Variants in VCAN observed in about 807,000 individuals in gnomAD.
VCAN encodes the protein versican core protein.
In VCAN, 44 loss-of-function variants were observed where a neutral mutation model predicts 245.5. The ratio of observed to expected loss-of-function variants is 0.18; its 90% CI spans 0.14 to 0.23. The LOEUF is 0.23. VCAN is among the 10% of genes least tolerant of loss of function. VCAN has a pLI of 1.00. For synonymous variants in VCAN, 1,413 were observed against 1,437.0 expected, an observed-to-expected ratio of 0.98 and a Z score of 0.38; for missense variants, 3,793 against 4,057.9, an observed-to-expected ratio of 0.93 and a Z score of 1.77.
At chr5:83,561,254 C>T (rs910721713) in intron 12 of VCAN, among the ~76,000 whole-genome samples, 3 of 152,028 alleles carry the variant, frequency 2.0e-5, no homozygotes, top group Non-Finnish European at 4.4e-5. Flanking sequence ...CTCTCTTCTA[C>T]ATTTGTCCAA....
chr5:83,556,344 C>T (rs547416554), intron 12 of VCAN, among the ~76,000 whole-genome samples: 7 of 152,280 alleles, frequency 4.6e-5, no homozygotes, highest in Admixed American at 6.5e-5. Context: ...GGTACCTCCT[C>T]GGCTTTAAAA....
chr5:83,545,604 C>T lies in VCAN; in HGVS notation c.9333C>T (p.Tyr3111=), dbSNP rs768961163. ...GGTCYPTETS[Y]VCTCVPGYSG... The stretch of plus-strand genomic sequence containing the variant: ...CCTGTTATCCTACTGAAACTTCCTA[C>T]GTATGCACCTGTGTGCCAGGATACA... Residue 3111 remains tyrosine, a synonymous_variant, in exon 9 of 15, where the codon TAC becomes TAT. Coordinates refer to ENST00000265077, the MANE Select transcript of VCAN (RefSeq NM_004385.5). The T allele has an allele frequency of 9.9e-6, 16 of 1,614,108 alleles. No homozygotes were observed. The highest frequency in any genetic ancestry group is 1.7e-4 in the Middle Eastern group (1 of 6,060).
rs935879621 is a variant in VCAN at position 83,520,488 on chromosome 5, A to T, written c.2182A>T (p.Thr728Ser). 1 of 1,614,038 alleles carries T rather than the reference A, an allele frequency of 6.2e-7. No homozygotes were observed. Among genetic ancestry groups the T allele is most frequent in the African/African-American group, 1.3e-5 (1 of 75,062 alleles). ...EEVFSGMKLS[T>S]SLSEPIHVTE... ...AGTCTTCTCTGGGATGAAACTCTCT[A>T]CATCTCTCTCAGAGCCAATTCATGT... The change falls in exon 7 of 15, where the codon ACA becomes TCA. Residue 728 changes from threonine to serine, a missense_variant. Transcript: ENST00000265077.
rs1302755370 is a variant in VCAN at position 83,554,947 on chromosome 5, A to G, written c.9653-9A>G. On this transcript the variant is annotated splice_polypyrimidine_tract_variant and intron_variant, in intron 11 of 14. Coordinates refer to ENST00000265077, the MANE Select transcript of VCAN (RefSeq NM_004385.5). The stretch of plus-strand genomic sequence containing the variant: ...AGTACAAATATCTGTGTGGTTTCCT[A>G]TCCCTTAGGTGTGGGCCATGATTAT... The G allele has an allele frequency of 2.5e-6, 4 of 1,613,136 alleles. No homozygotes were observed.
intron 12 of VCAN, among the ~76,000 whole-genome samples, chr5:83,571,493 A>G (rs1580078273): frequency 1.3e-5 from 2 of 152,238 alleles, no homozygotes; most frequent in Middle Eastern, 3.4e-3. Context: ...TGCTAAATAA[A>G]TGACACATAT....
chr5:83,579,384 C>T (rs1441806407), intron 13 of VCAN, among the ~76,000 whole-genome samples: 1 of 152,136 alleles, frequency 6.6e-6, no homozygotes, highest in African/African-American at 2.4e-5. Flanking sequence ...CTGCCTAAGC[C>T]TCCCGAGTAG....
At chr5:83,525,526 G>A (rs190532708) in intron 7 of VCAN, among the ~76,000 whole-genome samples, 119 of 152,130 alleles carry the variant, frequency 7.8e-4, no homozygotes, top group African/African-American at 2.8e-3. Context: ...GAAATGTATG[G>A]ATATTAAATA....
At chr5:83,530,350 A>G (rs1302519397) in intron 7 of VCAN, among the ~76,000 whole-genome samples, 4 of 151,792 alleles carry the variant, frequency 2.6e-5, no homozygotes, top group Non-Finnish European at 4.4e-5. Context: ...TTGTCAAGGA[A>G]ACCCCCAGTT....
At chr5:83,555,742 TG>T (rs1346352786) in intron 12 of VCAN, among the ~76,000 whole-genome samples, 1 of 152,216 alleles carries the variant, frequency 6.6e-6, no homozygotes, top group Non-Finnish European at 1.5e-5. Context: ...TAGAATCACC[TG>T]GAATATGTAA....
chr5:83,571,711 A>G (rs550649880), intron 12 of VCAN, among the ~76,000 whole-genome samples: 122 of 152,296 alleles, frequency 8.0e-4, no homozygotes, highest in Non-Finnish European at 1.6e-3. Flanking sequence ...CATAAATGTC[A>G]TAAATGTTTC....
intron 13 of VCAN, among the ~76,000 whole-genome samples, chr5:83,578,004 A>G (rs532134883): frequency 9.2e-5 from 14 of 152,216 alleles, no homozygotes; most frequent in Non-Finnish European, 1.9e-4. Flanking sequence ...GCACCAAATC[A>G]AGTACATTGA....
intron 12 of VCAN, among the ~76,000 whole-genome samples, chr5:83,567,112 C>T (rs1748110012): frequency 6.6e-6 from 1 of 151,778 alleles, no homozygotes; most frequent in Non-Finnish European, 1.5e-5. Context: ...AATGGTAGCC[C>T]TTTTTGGCAT....
At chr5:83,578,129 C>T (rs1025651832) in intron 13 of VCAN, among the ~76,000 whole-genome samples, 1 of 152,056 alleles carries the variant, frequency 6.6e-6, no homozygotes, top group Non-Finnish European at 1.5e-5. Context: ...AAGAAGTGTG[C>T]ACCATGGAAT....
chr5:83,483,572 C>A lies in VCAN; in HGVS notation c.54C>A (p.Thr18=), dbSNP rs757188535. ...GGATGTGTTCAACCTTAATAGTAAC[C>A]CATGCGCTACATAAAGGTGAGTGTG... ...ILWMCSTLIV[T]HALHKVKVGK... The change falls in exon 2 of 15, where the codon ACC becomes ACA. Residue 18 remains threonine, a synonymous_variant. Coordinates refer to ENST00000265077, the MANE Select transcript of VCAN (RefSeq NM_004385.5). 3 of 1,613,278 alleles carry A rather than the reference C, an allele frequency of 1.9e-6. No individual in the cohort carries two copies. Among genetic ancestry groups the A allele is most frequent in the Non-Finnish European group, 1.7e-6 (2 of 1,179,516 alleles).
At chr5:83,550,887 C>CAAAAAAAAAA (rs57081110) in intron 10 of VCAN, among the ~76,000 whole-genome samples, 2 of 50,082 alleles carry the variant, frequency 4.0e-5, no homozygotes, top group Admixed American at 3.5e-4. Flanking sequence ...GACTCCATCT[C>CAAAAAAAAAA]AAAAAAAAAA....
chr5:83,483,622 G>C, intron 2 of VCAN, 34 bp downstream of exon 2: 1 of 1,591,398 alleles, frequency 6.3e-7, no homozygotes, highest in Non-Finnish European at 8.6e-7. Flanking sequence ...GGTGTTAATT[G>C]AAATAAAAAT....
intron 7 of VCAN, among the ~76,000 whole-genome samples, chr5:83,522,590 C>A (rs558359909): frequency 6.6e-6 from 1 of 152,308 alleles, no homozygotes; most frequent in East Asian, 1.9e-4. Context: ...TCAAAACATG[C>A]AGAACAAAGT....
chr5:83,512,396 C>A lies in VCAN; in HGVS notation c.1042C>A (p.Pro348Thr). ...CAGATTTGATGCCTACTGCTTTAAA[C>A]GTAAGTGTTTGATACCTTTTTAAAA... Reference protein sequence around the residue: ...DSRFDAYCFKPKEATTIDLSI... With the variant: ...DSRFDAYCFKTKEATTIDLSI... Residue 348 changes from proline to threonine, a missense_variant and splice_region_variant, in exon 6 of 15, where the codon CCT becomes ACT. Pro to Thr is a conservative substitution (Grantham distance 38). Around this residue, in one of 5 missense-constraint regions of VCAN, gnomAD observed 190 missense variants for 288.6 expected, o/e 0.66. Transcript: ENST00000265077. 2.5e-6 allele frequency: 4 copies of A among 1,612,228 alleles called. No homozygotes were observed. Among genetic ancestry groups the A allele is most frequent in the Non-Finnish European group, 3.4e-6 (4 of 1,178,788 alleles).
rs932898431 is a variant in VCAN, at chr5:83,516,176, C to T, written c.1043-3173C>T. Among the ~76,000 whole-genome samples the T allele has an allele frequency of 6.6e-5, 10 of 152,000 alleles. No homozygotes were observed. The South Asian group carries it at 1.0e-3, about 16-fold the overall frequency. On this transcript the variant is annotated intron_variant, in intron 6 of 14. Transcript: ENST00000265077. ...CCTATCCCTAGCCTGTAGTCCCAGT[C>T]GGGAGGCTGAGGCAGGAGAATGGCG...
Sources: allele counts gnomAD v4.1 joint callset (sites outside exome capture counted in the v4.1 genomes callset), GRCh38; gene constraint gnomAD v4.1.1; regional missense constraint gnomAD v4.1.1; transcripts MANE v1.5; gene names NCBI Gene and HGNC (gene_info 2026-07-23, HGNC 2026-07-21).